The following GPAM variants were observed in gnomAD, a reference collection of about 807,000 sequenced individuals.
The protein encoded by GPAM is glycerol-3-phosphate acyltransferase, mitochondrial.
In GPAM, 56 loss-of-function variants were observed where a neutral mutation model predicts 105.0. The ratio of observed to expected loss-of-function variants is 0.53; its 90% CI spans 0.43 to 0.67. GPAM has a LOEUF of 0.67. GPAM is among the 30% of genes least tolerant of loss of function. GPAM has a pLI of 0.00. For synonymous variants in GPAM, 368 were observed against 354.4 expected (o/e 1.04, Z -0.43); for missense variants, 855 against 989.8 (o/e 0.86, Z 1.83).
intron 10 of GPAM, 94 bp downstream of exon 10, chr10:112,168,759 C>A (rs1352541113): frequency 2.3e-6 from 2 of 858,568 alleles, no homozygotes; most frequent in Non-Finnish European, 2.0e-6. Context: ...ACTCAAAGAG[C>A]AGTTTTTAAA....
At chr10:112,226,962 G>T in the GPAM span, among the ~76,000 whole-genome samples, 2 of 152,048 alleles carry the variant, frequency 1.3e-5, no homozygotes, top group Non-Finnish European at 2.9e-5. Context: ...GGCCACGAGG[G>T]GTTTTAGACC....
chr10:112,173,028 A>G lies in GPAM; in HGVS notation c.599T>C (p.Phe200Ser). Residue 200 changes from phenylalanine (F) to serine (S), a missense_variant, in exon 8 of 22, where the codon TTC (phenylalanine) becomes TCC (serine). Coordinates refer to ENST00000348367, the MANE Select transcript of GPAM (RefSeq NM_001244949.2). ...GWVLLKLFNS[F>S]FWNIQIHKGQ... ...TTTGTGAATTTGAATGTTCCAAAAGAAGCTGTTGAACAGTTTTAGCAGCAC... is the reference window on the plus strand; with the variant it reads ...TTTGTGAATTTGAATGTTCCAAAAGGAGCTGTTGAACAGTTTTAGCAGCAC... The G allele has an allele frequency of 1.4e-5, 23 of 1,610,798 alleles. No individual in the cohort carries two copies. The highest frequency in any genetic ancestry group is 2.0e-5 in the Non-Finnish European group (23 of 1,177,002).
At chr10:112,175,772 T>C in intron 5 of GPAM, 59 bp from the exon 6 acceptor site, 1 of 1,045,904 alleles carries the variant, frequency 9.6e-7, no homozygotes, top group Non-Finnish European at 1.5e-6. Flanking sequence ...GTTGCTTAAA[T>C]CATAAACTAA....
Position 112,160,413 on chromosome 10 carries a change from C to T in GPAM, c.1759+191G>A, listed in dbSNP as rs74156589. 2.8e-3 allele frequency: 2,535 copies of T among 907,336 alleles called. 35 individuals carry two copies. The African/African-American group carries it at 0.04, about 14-fold the overall frequency. The allele number at this position is 907,336 out of a possible 1,614,324, so 56.2% of individuals were successfully genotyped here. ...AAAAATAAGGGTAATGCTATACAAA[C>T]GGTAATTCAGTAACTACTCATTGTA... On this transcript the variant is annotated intron_variant, in intron 16 of 21. Transcript: ENST00000348367.
chr10:112,168,590 ATTAAATCT>A, intron 10 of GPAM, 66 bp from the exon 11 acceptor site: 1 of 1,131,332 alleles, frequency 8.8e-7, no homozygotes, highest in Non-Finnish European at 1.3e-6. Context: ...GCTCAGAAAA[ATTAAATCT>A]TTAAAAGCAA....
chr10:112,219,693 G>C (rs1457391526), upstream of GPAM, among the ~76,000 whole-genome samples: 1 of 152,044 alleles, frequency 6.6e-6, no homozygotes, highest in East Asian at 1.9e-4. Flanking sequence ...AAAATCACTT[G>C]TGTGTGTTTG....
At chr10:112,180,740 C>A in intron 3 of GPAM, 145 bp from the exon 4 acceptor site, 2 of 726,026 alleles carry the variant, frequency 2.8e-6, no homozygotes, top group Non-Finnish European at 4.7e-6. Context: ...CCTCCATGAT[C>A]AACACTTGGA....
At chr10:112,224,447 G>A in the GPAM span, among the ~76,000 whole-genome samples, 1 of 152,106 alleles carries the variant, frequency 6.6e-6, no homozygotes, top group Non-Finnish European at 1.5e-5. Context: ...CTGGCCTTAG[G>A]TTGCAGTTCA....
chr10:112,223,134 G>A, the GPAM span, among the ~76,000 whole-genome samples: 2 of 152,112 alleles, frequency 1.3e-5, no homozygotes, highest in South Asian at 4.1e-4. Context: ...AGGCTCCTCT[G>A]ACCTAATCCT....
At chr10:112,209,979 G>T (rs1476867989) in intron 1 of GPAM, among the ~76,000 whole-genome samples, 1 of 152,192 alleles carries the variant, frequency 6.6e-6, no homozygotes. Context: ...GGCGGACAGG[G>T]TAGGGAAAGG....
chr10:112,202,012 GT>G (rs1219270993), intron 1 of GPAM, among the ~76,000 whole-genome samples: 56 of 152,214 alleles, frequency 3.7e-4, no homozygotes, highest in African/African-American at 1.3e-3. Flanking sequence ...TACAGGTTAG[GT>G]TTTGCAGAGA....
rs1347906874 is a variant in GPAM, at chr10:112,161,673, G to A, written c.1488C>T (p.His496=). 1.2e-6 allele frequency: 2 copies of A among 1,611,780 alleles called. No individual in the cohort carries two copies. Among genetic ancestry groups the A allele is most frequent in the South Asian group, 1.1e-5 (1 of 90,950 alleles). The stretch of plus-strand genomic sequence containing the variant: ...GGTGACATTGCAGACATACCTGCCT[G>A]TGTCTGTAGAGGAGCAGGCAAGCCA... ...HIVACLLLYR[H]RQGIDLSTLV... Residue 496 remains histidine (H), a synonymous_variant, in exon 15 of 22, where the codon CAC becomes CAT. Coordinates refer to ENST00000348367, the MANE Select transcript of GPAM (RefSeq NM_001244949.2).
upstream of GPAM, among the ~76,000 whole-genome samples, chr10:112,217,487 T>C (rs1031232860): frequency 6.6e-6 from 1 of 151,914 alleles, no homozygotes; most frequent in Non-Finnish European, 1.5e-5. Context: ...TGGACATTCA[T>C]GTACAAGTTT....
At position 112,204,452 on chromosome 10, in the gene GPAM, G is replaced by T. The variant is rs529374534; in HGVS notation, n.210+10716C>A. On this transcript the variant is annotated intron_variant and non_coding_transcript_variant, in intron 1 of 3. Coordinates refer to the GPAM transcript ENST00000480130. ...AAGAAGAGTAGGTTGTAAAGATAGAGCAACACTGGCAAAGCTAATGATTTT... is the reference window on the plus strand; with the variant it reads ...AAGAAGAGTAGGTTGTAAAGATAGATCAACACTGGCAAAGCTAATGATTTT... 7.9e-5 allele frequency among the ~76,000 whole-genome samples: 12 copies of T among 151,772 alleles called. No individual in the cohort carries two copies. The East Asian group carries it at 2.4e-3, about 30-fold the overall frequency.
At chr10:112,198,329 T>C (rs971026120) in intron 1 of GPAM, among the ~76,000 whole-genome samples, 2 of 152,220 alleles carry the variant, frequency 1.3e-5, no homozygotes, top group Non-Finnish European at 2.9e-5. Flanking sequence ...CAGATTCAAC[T>C]TCAGCATGTT....
intron 21 of GPAM, chr10:112,153,928 A>G (rs1846968970): frequency 6.4e-5 from 26 of 408,428 alleles, no homozygotes; most frequent in South Asian, 6.0e-4. Flanking sequence ...TAAAATTTCA[A>G]CCAACATAAC....
chr10:112,158,352 T>C lies in GPAM; in HGVS notation c.1944A>G (p.Gly648=), dbSNP rs771327956. The C allele has an allele frequency of 6.2e-7, 1 of 1,606,954 alleles. No homozygotes were observed. Among genetic ancestry groups the C allele is most frequent in the South Asian group, 1.1e-5 (1 of 90,946 alleles). Residue 648 remains glycine (G), a synonymous_variant, in exon 18 of 22, where the codon GGA becomes GGG. Transcript: ENST00000348367. ...TAAGAATGCCATACTGGATAAACTT[T>C]CCTACTGTTTCATGGCAGACTTGGT... ...TFYQVCHETV[G]KFIQYGILTV...
chr10:112,214,687 C>T (rs921731579), intron 1 of GPAM, among the ~76,000 whole-genome samples: 1 of 152,224 alleles, frequency 6.6e-6, no homozygotes, highest in African/African-American at 2.4e-5. Flanking sequence ...TCCTCTGTAG[C>T]CAACATCACG....
intron 6 of GPAM, among the ~76,000 whole-genome samples, chr10:112,174,048 T>C (rs923558763): frequency 1.3e-5 from 2 of 152,300 alleles, no homozygotes; most frequent in East Asian, 1.9e-4. Flanking sequence ...CCTAAATCAA[T>C]GAATCTCTGA....
Sources: allele counts gnomAD v4.1 joint callset (sites outside exome capture counted in the v4.1 genomes callset), GRCh38; gene constraint gnomAD v4.1.1; transcripts MANE v1.5; gene names NCBI Gene and HGNC (gene_info 2026-07-23, HGNC 2026-07-21).